The following ADCY1 variants were observed in gnomAD, a reference collection of about 807,000 sequenced individuals.
The protein encoded by ADCY1 is adenylate cyclase 1.
Under a neutral mutation model 105.4 loss-of-function variants are expected in ADCY1, and 28 were observed. That is an observed-to-expected ratio of 0.27 (90% CI 0.20 to 0.36). The LOEUF is 0.36. Ranked by LOEUF, ADCY1 falls within the 10% of genes least tolerant of loss-of-function variation. The pLI, the probability that ADCY1 is intolerant of heterozygous loss-of-function variation, is 1.00. For missense variants in ADCY1, 977 were observed against 1,434.2 expected (o/e 0.68, Z 5.15); for synonymous variants, 655 against 623.8 (o/e 1.05, Z -0.75).
intron 1 of ADCY1, 46 bp from the exon 2 acceptor site, chr7:45,592,713 G>T: frequency 1.2e-6 from 2 of 1,612,354 alleles, no homozygotes; most frequent in Non-Finnish European, 8.5e-7. Context: ...CTCTTTGTGT[G>T]TGTGGGATGT....
rs3830573 is a variant in ADCY1 at position 45,708,968 on chromosome 7, GTT to G, written c.2932+514_2932+515del. On this transcript the variant is annotated intron_variant, in intron 18 of 19. Coordinates refer to ENST00000297323, the MANE Select transcript of ADCY1 (RefSeq NM_021116.4). The surrounding 1 kb of genome is among the most constrained non-coding windows in gnomAD (Gnocchi z 4.7). ...AGCTTTTATAAAACTATGATTTGTT[GTT>G]TTTTTTTTTAATCATAAATTCACTT... 5.4e-5 allele frequency among the ~76,000 whole-genome samples: 8 copies of G among 147,666 alleles called. No homozygotes were observed. Among genetic ancestry groups the G allele is most frequent in the African/African-American group, 1.2e-4 (5 of 40,332 alleles).
chr7:45,676,642 CT>C (rs2116179482), intron 8 of ADCY1, among the ~76,000 whole-genome samples: 1 of 152,216 alleles, frequency 6.6e-6, no homozygotes, highest in Non-Finnish European at 1.5e-5. Flanking sequence ...ATTCTGCATC[CT>C]TGTTCAGCAT....
intron 19 of ADCY1, among the ~76,000 whole-genome samples, chr7:45,711,168 GCT>G (rs1785224560): frequency 6.6e-6 from 1 of 152,176 alleles, no homozygotes; most frequent in Non-Finnish European, 1.5e-5. Context: ...ATGTGGTTCG[GCT>G]TCTGGGATTT....
chr7:45,610,755 G>T (rs754859395), intron 3 of ADCY1, among the ~76,000 whole-genome samples: 3 of 23,312 alleles, frequency 1.3e-4, no homozygotes, highest in Non-Finnish European at 3.0e-4. Context: ...TGATGATGGA[G>T]GTGTAGAGGT....
At chr7:45,661,668 C>G (rs1445760923) in intron 7 of ADCY1, among the ~76,000 whole-genome samples, 1 of 152,156 alleles carries the variant, frequency 6.6e-6, no homozygotes, top group African/African-American at 2.4e-5. Flanking sequence ...CCATCCTCCC[C>G]ATGCGATTTC....
In ADCY1 at chr7:45,708,512, T is replaced by TAC; in HGVS notation, c.2932+51_2932+52dup. 1 of 1,418,124 alleles carries TAC rather than the reference T, an allele frequency of 7.1e-7. No homozygotes were observed. Among genetic ancestry groups the TAC allele is most frequent in the Non-Finnish European group, 1.0e-6 (1 of 1,004,290 alleles). The allele number at this position is 1,418,124 out of a possible 1,614,324, so 87.8% of individuals were successfully genotyped here. On this transcript the variant is annotated intron_variant, in intron 18 of 19. Transcript: ENST00000297323. This position sits in a 1 kb window ranked among gnomAD's most constrained non-coding sequence, Gnocchi z 4.7. ...TGTCCATCCATGTGGAACACCTTCC[T>TAC]ACACCCACCTAGGGGTGGGATCAGC...
rs1206652498 is a variant in ADCY1, at chr7:45,685,074, C to T, written c.2073+6C>T. 1 of 1,612,296 alleles carries T rather than the reference C, an allele frequency of 6.2e-7. No individual in the cohort carries two copies. The highest frequency in any genetic ancestry group is 1.1e-5 in the South Asian group (1 of 91,016). The stretch of plus-strand genomic sequence containing the variant: ...CAGTAGCCCAAGGTTGTGTGGTGAG[C>T]ATCTCCAGCTTGTGGCATGCGCTGG... On this transcript the variant is annotated splice_donor_region_variant and intron_variant, in intron 12 of 19. Transcript: ENST00000297323.
intron 5 of ADCY1, among the ~76,000 whole-genome samples, chr7:45,656,655 T>C (rs1296269993): frequency 6.7e-6 from 1 of 150,366 alleles, no homozygotes; most frequent in Non-Finnish European, 1.5e-5. Flanking sequence ...CAGGCCACAG[T>C]GGGAAGTTGG....
At chr7:45,689,474 A>C (rs1784746525) in intron 14 of ADCY1, among the ~76,000 whole-genome samples, 1 of 152,112 alleles carries the variant, frequency 6.6e-6, no homozygotes, top group Non-Finnish European at 1.5e-5. Context: ...CATACATGTC[A>C]CATGGCGAGA....
intron 4 of ADCY1, among the ~76,000 whole-genome samples, chr7:45,630,599 T>G (rs1380774972): frequency 6.6e-6 from 1 of 152,180 alleles, no homozygotes; most frequent in Non-Finnish European, 1.5e-5. Flanking sequence ...GTCTTCATAT[T>G]GCTGTGTGTT....
intron 1 of ADCY1, among the ~76,000 whole-genome samples, chr7:45,579,138 A>C (rs577814302): frequency 6.6e-6 from 1 of 152,222 alleles, no homozygotes; most frequent in East Asian, 1.9e-4. Context: ...CAGCACGCAG[A>C]ATCATAGGGC....
chr7:45,614,282 TAG>T (rs1446207229), intron 3 of ADCY1, among the ~76,000 whole-genome samples: 2 of 152,146 alleles, frequency 1.3e-5, no homozygotes, highest in Non-Finnish European at 2.9e-5. Flanking sequence ...AGTTAAAGTG[TAG>T]AGTTTCTGTA....
intron 1 of ADCY1, among the ~76,000 whole-genome samples, chr7:45,578,322 T>C (rs1163716464): frequency 6.6e-6 from 1 of 152,190 alleles, no homozygotes; most frequent in Non-Finnish European, 1.5e-5. Flanking sequence ...TCCATAAATA[T>C]GTGCTAAGTG....
chr7:45,632,874 GTA>G lies in ADCY1; in HGVS notation c.1020+10135_1020+10136del, dbSNP rs1408909094. Among the ~76,000 whole-genome samples, 3 of 152,020 alleles carry G rather than the reference GTA, an allele frequency of 2.0e-5. No individual in the cohort carries two copies. The East Asian group carries it at 5.8e-4, about 29-fold the overall frequency. On this transcript the variant is annotated intron_variant, in intron 4 of 19. Transcript: ENST00000297323. The stretch of plus-strand genomic sequence containing the variant: ...GCATGAACCACCATGCTCGGCCAAT[GTA>G]TATGTGTTTTATATATTTTATCAGA...
chr7:45,610,777 T>C (rs1339487705), intron 3 of ADCY1, among the ~76,000 whole-genome samples: 8 of 130,694 alleles, frequency 6.1e-5, no homozygotes, highest in South Asian at 2.6e-4. Flanking sequence ...ATAGTGGAGG[T>C]GTGGGGGTGA....
chr7:45,711,255 T>C (rs891503944), intron 19 of ADCY1, among the ~76,000 whole-genome samples: 2 of 151,938 alleles, frequency 1.3e-5, no homozygotes, highest in Non-Finnish European at 2.9e-5. Flanking sequence ...AAGATGGAGA[T>C]TGTGAGGGGC....
At chr7:45,592,683 C>T in intron 1 of ADCY1, 76 bp from the exon 2 acceptor site, 1 of 1,588,564 alleles carries the variant, frequency 6.3e-7, no homozygotes, top group Non-Finnish European at 8.6e-7. Flanking sequence ...TCTTGCTATG[C>T]TCTCCGGGCG....
rs1244249908 is a variant in ADCY1 at position 45,600,036 on chromosome 7, A to C, written c.789+7128A>C. Reference sequence around the variant, plus strand: ...GGTCTTCTTGGTTCTCCCTGATGGAACAGCCCAGGCTCAGAAGCCACATGC... The same window carrying C: ...GGTCTTCTTGGTTCTCCCTGATGGACCAGCCCAGGCTCAGAAGCCACATGC... On this transcript the variant is annotated intron_variant, in intron 2 of 19. Transcript: ENST00000297323. Among the ~76,000 whole-genome samples, 5 of 152,332 alleles carry C rather than the reference A, an allele frequency of 3.3e-5. No homozygotes were observed. The East Asian group carries it at 9.7e-4, about 29-fold the overall frequency.
chr7:45,699,906 C>T (rs1420882235), intron 14 of ADCY1, among the ~76,000 whole-genome samples: 1 of 152,186 alleles, frequency 6.6e-6, no homozygotes, highest in Non-Finnish European at 1.5e-5. Context: ...GGAGCTTCCT[C>T]AGTCCTGCAG....
Sources: allele counts gnomAD v4.1 joint callset (sites outside exome capture counted in the v4.1 genomes callset), GRCh38; gene constraint gnomAD v4.1.1; non-coding constraint Gnocchi (gnomAD v3.1); transcripts MANE v1.5; gene names NCBI Gene and HGNC (gene_info 2026-07-23, HGNC 2026-07-21).